Variants in KIAA1958 observed in about 807,000 individuals in gnomAD.
KIAA1958 encodes the protein uncharacterized protein KIAA1958.
KIAA1958 carries 14 observed loss-of-function variants against 47.2 expected under a neutral mutation model. The observed-to-expected ratio is 0.30, with a 90% CI of 0.20 to 0.46. KIAA1958 has a LOEUF of 0.46. Ranked by LOEUF, KIAA1958 falls within the 20% of genes least tolerant of loss-of-function variation. The pLI is 1.00. For synonymous variants in KIAA1958, 354 were observed against 353.3 expected (o/e 1.00, Z -0.02); for missense variants, 803 against 909.2 (o/e 0.88, Z 1.50).
intron 1 of KIAA1958, among the ~76,000 whole-genome samples, chr9:112,516,245 A>G (rs928976092): frequency 1.3e-5 from 2 of 151,162 alleles, no homozygotes; most frequent in African/African-American, 4.9e-5. Context: ...GGAGCTGGAG[A>G]CAAGCCTGGG....
At chr9:112,638,176 C>T (rs886916013) in intron 2 of KIAA1958, among the ~76,000 whole-genome samples, 24 of 152,014 alleles carry the variant, frequency 1.6e-4, no homozygotes, top group African/African-American at 5.5e-4. Flanking sequence ...ATAAAATTTT[C>T]TCTTAATGTG....
chr9:112,534,804 A>G (rs903490948), intron 1 of KIAA1958, among the ~76,000 whole-genome samples: 1 of 152,166 alleles, frequency 6.6e-6, no homozygotes, highest in African/African-American at 2.4e-5. Context: ...TCGGCCTCCC[A>G]AAGTGCTGGG....
chr9:112,533,913 A>C (rs1036046508), intron 1 of KIAA1958, among the ~76,000 whole-genome samples: 1 of 152,204 alleles, frequency 6.6e-6, no homozygotes, highest in Admixed American at 6.5e-5. Context: ...CAGCCAAACC[A>C]TATCAATGGA....
intron 2 of KIAA1958, among the ~76,000 whole-genome samples, chr9:112,634,412 G>T (rs1217825660): frequency 6.6e-6 from 1 of 151,992 alleles, no homozygotes; most frequent in Non-Finnish European, 1.5e-5. Context: ...TGTATTTTTA[G>T]TAGAGACGGG....
rs1195560446 is a variant in KIAA1958 at position 112,665,051 on chromosome 9, A to G, written c.*4982A>G. 2 of 152,130 alleles carry G rather than the reference A, an allele frequency of 1.3e-5. No individual in the cohort carries two copies. Among genetic ancestry groups the G allele is most frequent in the Non-Finnish European group, 2.9e-5 (2 of 68,024 alleles). 9.4% of individuals were successfully genotyped at this position (152,130 alleles called of 1,614,324 possible). A position where few individuals can be genotyped will look rare whatever the true frequency, so the allele number is the denominator to read the frequency against. On this transcript the variant is annotated 3_prime_UTR_variant, in exon 4 of 4. Transcript: ENST00000337530. Reference sequence around the variant, plus strand: ...TTAAAGTGCTTATTATTTAGCTAAAACAACTTATATGGAAGTTAATTATTT... The same window carrying G: ...TTAAAGTGCTTATTATTTAGCTAAAGCAACTTATATGGAAGTTAATTATTT...
chr9:112,523,070 C>G (rs1037834843), intron 1 of KIAA1958, among the ~76,000 whole-genome samples: 1 of 152,174 alleles, frequency 6.6e-6, no homozygotes, highest in African/African-American at 2.4e-5. Flanking sequence ...CAGCTAGATA[C>G]CATCATAGCA....
intron 2 of KIAA1958, among the ~76,000 whole-genome samples, chr9:112,579,519 G>A (rs971925295): frequency 1.3e-5 from 2 of 151,836 alleles, no homozygotes; most frequent in African/African-American, 4.8e-5. Context: ...CTCATTCTCC[G>A]CTGAATTGAT....
Position 112,618,437 on chromosome 9 carries a change from G to A in KIAA1958, c.1172-27213G>A, listed in dbSNP as rs1427553555. The A allele has an allele frequency of 4.5e-6, 7 of 1,551,154 alleles. No homozygotes were observed. Among genetic ancestry groups the A allele is most frequent in the South Asian group, 2.4e-5 (2 of 84,058 alleles). The stretch of plus-strand genomic sequence containing the variant: ...GCTCCGGGTAACAGAGACGGGTCTC[G>A]AGTACTTGGAGTGGATGGGTCAGGA... On this transcript the variant is annotated intron_variant, in intron 2 of 3. Coordinates refer to ENST00000337530, the MANE Select transcript of KIAA1958 (RefSeq NM_133465.4). This position sits in a 1 kb window ranked among gnomAD's most constrained non-coding sequence, Gnocchi z 7.1.
Position 112,659,941 on chromosome 9 carries a change from C to T in KIAA1958, c.2023C>T (p.Leu675=), listed in dbSNP as rs61995729. 2.1e-3 allele frequency: 3,466 copies of T among 1,614,238 alleles called. 64 individuals are homozygous for T. In the African/African-American group the frequency reaches 0.041, roughly 19 times the overall value. Residue 675 remains leucine (L), a synonymous_variant, in exon 4 of 4, where the codon CTG becomes TTG. Transcript: ENST00000337530. ...GTGGTATGAGGAGCAGAGGATGGGG[C>T]TGCGCTCTCTTCGGGGAATTGTCCC... ...SVWYEEQRMG[L]RSLRGIVPNL...
intron 2 of KIAA1958, among the ~76,000 whole-genome samples, chr9:112,629,904 G>C (rs2131228380): frequency 6.6e-6 from 1 of 152,326 alleles, no homozygotes; most frequent in South Asian, 2.1e-4. Context: ...ATGATGACCA[G>C]TCTTCATTCA....
chr9:112,631,961 T>A (rs1836718080), intron 2 of KIAA1958, among the ~76,000 whole-genome samples: 1 of 152,204 alleles, frequency 6.6e-6, no homozygotes, highest in Non-Finnish European at 1.5e-5. Flanking sequence ...GATACATTTT[T>A]GCATACTTCT....
At chr9:112,573,723 G>A (rs998360592) in intron 1 of KIAA1958, among the ~76,000 whole-genome samples, 2 of 152,190 alleles carry the variant, frequency 1.3e-5, no homozygotes, top group African/African-American at 2.4e-5. Context: ...GACTTTGGAA[G>A]TAAAATGTAC....
At chr9:112,621,607 A>C (rs955108521) in intron 2 of KIAA1958, among the ~76,000 whole-genome samples, 10 of 152,174 alleles carry the variant, frequency 6.6e-5, no homozygotes, top group African/African-American at 2.2e-4. Context: ...ACAAATTGGG[A>C]ATGTGAATTA....
intron 1 of KIAA1958, among the ~76,000 whole-genome samples, chr9:112,512,177 A>G (rs1463219950): frequency 6.6e-6 from 1 of 152,218 alleles, no homozygotes; most frequent in African/African-American, 2.4e-5. Flanking sequence ...ATTCTATAGT[A>G]TAGGCACCAT....
At chr9:112,603,931 ACAT>A (rs1836179305) in intron 2 of KIAA1958, among the ~76,000 whole-genome samples, 1 of 152,338 alleles carries the variant, frequency 6.6e-6, no homozygotes, top group African/African-American at 2.4e-5. Context: ...GAGAATTCAG[ACAT>A]CATTTCTTTT....
intron 1 of KIAA1958, among the ~76,000 whole-genome samples, chr9:112,502,996 T>C (rs1208977622): frequency 6.6e-6 from 1 of 152,238 alleles, no homozygotes; most frequent in Non-Finnish European, 1.5e-5. Flanking sequence ...ATGTGTTAGG[T>C]ACTTTTCTAG....
intron 2 of KIAA1958, among the ~76,000 whole-genome samples, chr9:112,604,553 A>T (rs916700102): frequency 8.5e-5 from 13 of 152,216 alleles, no homozygotes; most frequent in Non-Finnish European, 1.3e-4. Flanking sequence ...GAATCTATCC[A>T]GTCTTCCTGT....
At chr9:112,575,444 G>A (rs1422550882) in intron 2 of KIAA1958, among the ~76,000 whole-genome samples, 193 bp downstream of exon 2, 1 of 151,834 alleles carries the variant, frequency 6.6e-6, no homozygotes, top group East Asian at 1.9e-4. Context: ...GCCATATCTA[G>A]TTGACGTACC....
rs114723215 is a variant in KIAA1958 at position 112,631,686 on chromosome 9, A to T, written c.1172-13964A>T. The stretch of plus-strand genomic sequence containing the variant: ...ATCAGAAATAAAAATTACAGGACTC[A>T]TTACCTATAGATAAGAACGTTTAAC... On this transcript the variant is annotated intron_variant, in intron 2 of 3. Transcript: ENST00000337530. 3.0e-3 allele frequency among the ~76,000 whole-genome samples: 463 copies of T among 152,292 alleles called. 4 individuals carry two copies. Among genetic ancestry groups the T allele is most frequent in the African/African-American group, 0.011 (444 of 41,572 alleles).
Sources: gnomAD v4.1 joint callset for allele counts (sites outside exome capture counted in the v4.1 genomes callset) on GRCh38, gnomAD v4.1.1 for gene constraint, Gnocchi (gnomAD v3.1) non-coding constraint, MANE v1.5 for transcripts, NCBI Gene and HGNC (gene_info 2026-07-23, HGNC 2026-07-21) for gene names.